Variants in MAGI2 observed in about 807,000 individuals in gnomAD.
MAGI2 encodes the protein membrane associated guanylate kinase, WW and PDZ domain containing 2, also known as membrane-associated guanylate kinase, WW and PDZ domain-containing protein 2.
Under a neutral mutation model 133.3 loss-of-function variants are expected in MAGI2, and 35 were observed. The ratio of observed to expected loss-of-function variants is 0.26; its 90% CI spans 0.20 to 0.35. The LOEUF (loss-of-function observed/expected upper bound fraction) is 0.35. MAGI2 is among the 10% of genes least tolerant of loss of function. The probability of loss-of-function intolerance (pLI) is 1.00; values close to 1 mark genes in which losing one functional copy is unlikely to be tolerated. For synonymous variants in MAGI2, 729 were observed against 710.6 expected (o/e 1.03, Z -0.41); for missense variants, 1,636 against 1,863.4 (o/e 0.88, Z 2.25).
At chr7:79,315,980 G>A (rs1056642300) in intron 1 of MAGI2, among the ~76,000 whole-genome samples, 1 of 152,096 alleles carries the variant, frequency 6.6e-6, no homozygotes, top group African/African-American at 2.4e-5. Flanking sequence ...ACATGGCCCT[G>A]GGCAAGTTAT....
At chr7:78,097,987 A>T (rs887297300) in intron 20 of MAGI2, among the ~76,000 whole-genome samples, 6 of 151,560 alleles carry the variant, frequency 4.0e-5, no homozygotes, top group Non-Finnish European at 8.8e-5. Flanking sequence ...ATGATGAAAA[A>T]TTTCGTGTGT....
chr7:78,929,529 ACT>A (rs1407672794), intron 2 of MAGI2, among the ~76,000 whole-genome samples: 5 of 151,362 alleles, frequency 3.3e-5, no homozygotes, highest in Admixed American at 3.3e-4. Flanking sequence ...TGGAGGGGAG[ACT>A]CTCTTGCCTT....
intron 16 of MAGI2, among the ~76,000 whole-genome samples, chr7:78,141,563 A>G (rs1380427095): frequency 6.6e-6 from 1 of 152,162 alleles, no homozygotes; most frequent in African/African-American, 2.4e-5. Context: ...AGACGGCATG[A>G]CTTGTTTTCC....
intron 1 of MAGI2, among the ~76,000 whole-genome samples, chr7:79,129,967 G>T (rs1365954587): frequency 6.6e-6 from 1 of 152,082 alleles, no homozygotes; most frequent in Non-Finnish European, 1.5e-5. Context: ...ACTCATTTTA[G>T]AATTAGTCTC....
chr7:78,524,502 T>C (rs1475222594), intron 3 of MAGI2, among the ~76,000 whole-genome samples: 8 of 152,130 alleles, frequency 5.3e-5, no homozygotes, highest in Admixed American at 5.2e-4. Context: ...ATATTCACAG[T>C]AAGAGAGTAA....
At chr7:78,633,314 G>C (rs1046770296) in intron 2 of MAGI2, among the ~76,000 whole-genome samples, 2 of 152,132 alleles carry the variant, frequency 1.3e-5, no homozygotes, top group African/African-American at 4.8e-5. Context: ...CTTAGTACCT[G>C]GGTGAGGAAA....
chr7:79,151,979 T>C (rs1214620871), intron 1 of MAGI2, among the ~76,000 whole-genome samples: 1 of 152,126 alleles, frequency 6.6e-6, no homozygotes, highest in Non-Finnish European at 1.5e-5. Context: ...AGGACACCAC[T>C]TCAGGATGAT....
chr7:79,389,370 C>T (rs1363915246), intron 1 of MAGI2, among the ~76,000 whole-genome samples: 1 of 151,908 alleles, frequency 6.6e-6, no homozygotes, highest in African/African-American at 2.4e-5. Context: ...AATTAAATTT[C>T]TGAGATGTTA....
At chr7:78,555,170 A>AAATAAATG (rs1163688347) in intron 3 of MAGI2, among the ~76,000 whole-genome samples, 2,044 of 65,978 alleles carry the variant, frequency 0.031, 59 homozygotes, top group African/African-American at 0.06. Flanking sequence ...ATAAATAAAT[A>AAATAAATG]AATGAATGAT....
chr7:79,310,755 C>T (rs540130196), intron 1 of MAGI2, among the ~76,000 whole-genome samples: 2 of 152,228 alleles, frequency 1.3e-5, no homozygotes, highest in African/African-American at 2.4e-5. Flanking sequence ...TAAAATTTAT[C>T]ACTATGAGCA....
intron 1 of MAGI2, among the ~76,000 whole-genome samples, chr7:79,191,397 T>C (rs1285616194): frequency 7.5e-6 from 1 of 134,144 alleles, no homozygotes; most frequent in Non-Finnish European, 1.6e-5. Context: ...TTTTTCTTTT[T>C]CTTTCTTTTT....
chr7:78,519,193 T>C (rs1012441241), intron 4 of MAGI2: 3 of 146,584 alleles, frequency 2.0e-5, no homozygotes, highest in Non-Finnish European at 4.4e-5. Flanking sequence ...GAAATGTATA[T>C]CAGAGGAGGT....
At chr7:79,180,798 G>T (rs2129550312) in intron 1 of MAGI2, among the ~76,000 whole-genome samples, 1 of 152,070 alleles carries the variant, frequency 6.6e-6, no homozygotes, top group East Asian at 1.9e-4. Flanking sequence ...AATCAGAAGT[G>T]AGTTAGTTAC....
At chr7:78,835,212 C>T (rs1026888140) in intron 2 of MAGI2, among the ~76,000 whole-genome samples, 19 of 152,164 alleles carry the variant, frequency 1.2e-4, no homozygotes, top group Admixed American at 2.0e-4. Context: ...TACAAAGTTT[C>T]CAATTTCTCC....
chr7:78,291,339 G>A (rs1796691784), intron 9 of MAGI2, among the ~76,000 whole-genome samples: 1 of 152,104 alleles, frequency 6.6e-6, no homozygotes, highest in Non-Finnish European at 1.5e-5. Flanking sequence ...TAGAAGAAAT[G>A]GATAAATTCC....
At chr7:78,160,386 C>T in intron 15 of MAGI2, 113 bp from the exon 16 acceptor site, 1 of 1,131,520 alleles carries the variant, frequency 8.8e-7, no homozygotes, top group Non-Finnish European at 1.2e-6. Context: ...ACTGGTTGAA[C>T]TGCTTCTCTT....
intron 9 of MAGI2, among the ~76,000 whole-genome samples, chr7:78,290,891 G>C (rs1584743681): frequency 1.3e-5 from 2 of 152,124 alleles, no homozygotes; most frequent in Admixed American, 1.3e-4. Context: ...AAACCAATGA[G>C]AACAAAGACA....
intron 1 of MAGI2, among the ~76,000 whole-genome samples, chr7:79,432,968 C>G (rs1847877157): frequency 6.6e-6 from 1 of 152,100 alleles, no homozygotes; most frequent in Admixed American, 6.6e-5. Context: ...CAAGAGGAGA[C>G]AGAAGAAGGT....
chr7:78,325,584 T>C (rs1174987580), intron 9 of MAGI2, among the ~76,000 whole-genome samples: 1 of 152,240 alleles, frequency 6.6e-6, no homozygotes, highest in Non-Finnish European at 1.5e-5. Flanking sequence ...GTCCAGATAT[T>C]TGTCCTTTCA....
Sources: gnomAD v4.1 joint callset for allele counts (sites outside exome capture counted in the v4.1 genomes callset) on GRCh38, gnomAD v4.1.1 for gene constraint, MANE v1.5 for transcripts, NCBI Gene and HGNC (gene_info 2026-07-23, HGNC 2026-07-21) for gene names.